Variants in CNTD1 observed in about 807,000 individuals in gnomAD.
CNTD1 encodes the protein cyclin N-terminal domain containing 1.
In CNTD1, 17 loss-of-function variants were observed where a neutral mutation model predicts 36.3. The ratio of observed to expected loss-of-function variants is 0.47; its 90% confidence interval spans 0.32 to 0.70. The LOEUF (loss-of-function observed/expected upper bound fraction) is 0.70. CNTD1 is among the 30% of genes least tolerant of loss of function. CNTD1 has a pLI of 0.03. For missense variants in CNTD1, 338 were observed against 386.1 expected (o/e 0.88, Z 1.04); for synonymous variants, 128 against 153.3 (o/e 0.83, Z 1.22).
intron 1 of CNTD1, among the ~76,000 whole-genome samples, chr17:42,799,752 CAAAAAAAAAAAAAAA>C (rs780393099): frequency 7.6e-4 from 8 of 10,590 alleles, no homozygotes; most frequent in East Asian, 4.2e-3. Context: ...AACTCCGTCT[CAAAAAAAAAAAAAAA>C]AAAAAAAAAA....
intron 6 of CNTD1, among the ~76,000 whole-genome samples, chr17:42,808,412 G>C (rs563508371): frequency 6.6e-6 from 1 of 151,860 alleles, no homozygotes; most frequent in African/African-American, 2.4e-5. Context: ...TTAGCTGGGT[G>C]TGGTGGCACA....
At position 42,804,227 on chromosome 17, in the gene CNTD1, T is replaced by C. The variant is rs769656924; in HGVS notation, c.248T>C (p.Phe83Ser). ...TACTCTCCCTCCCTTCCCTACAGGTTTATGGTAAAACAGGCAGAGAACATC... is the reference window on the plus strand; with the variant it reads ...TACTCTCCCTCCCTTCCCTACAGGTCTATGGTAAAACAGGCAGAGAACATC... Reference protein sequence around the residue: ...SYQAVEILERFMVKQAENICR... With the variant: ...SYQAVEILERSMVKQAENICR... Residue 83 changes from phenylalanine (F) to serine (S), a missense_variant and splice_region_variant, in exon 3 of 7, where the codon TTT becomes TCT. Transcript: ENST00000588408. The C allele has an allele frequency of 6.2e-7, 1 of 1,613,338 alleles. No homozygotes were observed. The highest frequency in any genetic ancestry group is 8.5e-7 in the Non-Finnish European group (1 of 1,179,552).
intron 4 of CNTD1, among the ~76,000 whole-genome samples, 199 bp from the exon 5 acceptor site, chr17:42,806,475 G>T (rs900878800): frequency 8.5e-5 from 13 of 152,204 alleles, no homozygotes; most frequent in African/African-American, 2.7e-4. Flanking sequence ...CATGCTAATT[G>T]TATGTATACT....
intron 6 of CNTD1, among the ~76,000 whole-genome samples, chr17:42,808,212 C>T (rs2054912383): frequency 6.6e-6 from 1 of 152,036 alleles, no homozygotes; most frequent in Admixed American, 6.6e-5. Context: ...GAGTTCAAGA[C>T]CAGCCTGGTC....
Position 42,809,681 on chromosome 17 carries a change from T to G in CNTD1, c.*146T>G. 1.4e-6 allele frequency: 1 copy of G among 722,124 alleles called. No homozygotes were observed. The highest frequency in any genetic ancestry group is 2.2e-6 in the Non-Finnish European group (1 of 451,962). The allele number at this position is 722,124 out of a possible 1,614,324, so 44.7% of individuals were successfully genotyped here. ...CAATTTCATGCTTATTTTTCCTTTA[T>G]CAGAGAGAGTTAAGGTGGACGAGCA... On this transcript the variant is annotated 3_prime_UTR_variant, in exon 7 of 7. Coordinates refer to ENST00000588408, the MANE Select transcript of CNTD1 (RefSeq NM_173478.3).
chr17:42,804,515 G>C, intron 3 of CNTD1, 119 bp downstream of exon 3: 4 of 874,112 alleles, frequency 4.6e-6, no homozygotes, highest in Non-Finnish European at 5.1e-6. Flanking sequence ...AAATTACAAA[G>C]TAAAAACAAC....
chr17:42,805,947 A>T, intron 4 of CNTD1, 63 bp downstream of exon 4: 5 of 1,455,304 alleles, frequency 3.4e-6, no homozygotes, highest in South Asian at 2.6e-5. Flanking sequence ...CAAAATGTGC[A>T]TGGGGGGGCA....
chr17:42,809,288 C>A, intron 6 of CNTD1, 77 bp from the exon 7 acceptor site: 2 of 1,325,614 alleles, frequency 1.5e-6, no homozygotes, highest in East Asian at 2.4e-5. Context: ...AGAGAACATC[C>A]CAAGTAATGT....
intron 2 of CNTD1, among the ~76,000 whole-genome samples, chr17:42,803,983 G>A (rs569435843): frequency 3.1e-4 from 47 of 151,910 alleles, no homozygotes; most frequent in African/African-American, 1.1e-3. Context: ...CTACAAGCAT[G>A]TGCCTCCACA....
rs774693295 is a variant in CNTD1 at position 42,805,878 on chromosome 17, G to A, written c.574G>A (p.Val192Ile). The A allele has an allele frequency of 1.2e-6, 2 of 1,610,454 alleles. No individual in the cohort carries two copies. The highest frequency in any genetic ancestry group is 1.7e-6 in the Non-Finnish European group (2 of 1,178,560). The change falls in exon 4 of 7, where the codon GTT becomes ATT. Residue 192 changes from valine (V) to isoleucine (I), a missense_variant. Physicochemically the swap from Val to Ile is conservative, Grantham distance 29. Coordinates refer to ENST00000588408, the MANE Select transcript of CNTD1 (RefSeq NM_173478.3). Reference sequence around the variant, plus strand: ...GGCATATGTGGAGACGCTCCTAGAGGTTTTAGGTATCTTACTGTGTTAGGG... The same window carrying A: ...GGCATATGTGGAGACGCTCCTAGAGATTTTAGGTATCTTACTGTGTTAGGG... The part of the protein sequence containing the change: ...PLAYVETLLE[V>I]LGYNGCLVPA...
chr17:42,801,965 G>A (rs1338822505), intron 1 of CNTD1, among the ~76,000 whole-genome samples: 2 of 152,102 alleles, frequency 1.3e-5, no homozygotes, highest in African/African-American at 4.8e-5. Context: ...ACTAAAGATT[G>A]CAAAAAGCCA....
rs2054884034 is a variant in CNTD1 at position 42,806,681 on chromosome 17, T to C, written c.588T>C (p.Asn196=). Residue 196 remains asparagine (N), a synonymous_variant, in exon 5 of 7, where the codon AAT becomes AAC. Transcript: ENST00000588408. ...VETLLEVLGY[N]GCLVPAMRLH... ...TTCCCATACTCCATCTAGGATACAA[T>C]GGCTGTTTGGTTCCAGCCATGAGGC... The C allele has an allele frequency of 6.8e-6, 11 of 1,613,924 alleles. No homozygotes were observed. The highest frequency in any genetic ancestry group is 3.3e-5 in the South Asian group (3 of 91,082).
At chr17:42,809,340 A>G (rs766209643) in intron 6 of CNTD1, 25 bp from the exon 7 acceptor site, 1 of 1,586,858 alleles carries the variant, frequency 6.3e-7, no homozygotes, top group Admixed American at 1.7e-5. Context: ...TTTTAGTAAT[A>G]AGAAATCTGT....
At chr17:42,803,825 TATAA>T in intron 2 of CNTD1, 130 bp downstream of exon 2, 2 of 729,130 alleles carry the variant, frequency 2.7e-6, no homozygotes, top group Non-Finnish European at 4.7e-6. Flanking sequence ...AACTTGCAAA[TATAA>T]ATTTCTTTGT....
At chr17:42,801,510 A>AAAATATATATATATAT (rs1289580717) in intron 1 of CNTD1, among the ~76,000 whole-genome samples, 1 of 54,344 alleles carries the variant, frequency 1.8e-5, no homozygotes, top group Non-Finnish European at 3.0e-5. Context: ...AAAAAAAAAA[A>AAAATATATATATATAT]ATATATATAT....
rs1260726126 is a variant in CNTD1, at chr17:42,799,029, C to G, written c.-39C>G. 1 of 1,606,556 alleles carries G rather than the reference C, an allele frequency of 6.2e-7. No individual in the cohort carries two copies. The highest frequency in any genetic ancestry group is 1.3e-5 in the African/African-American group (1 of 74,532). ...GAGCTAAGGGGGTCGGTATGTGGATCCAGTGAACCCGTCCAGGTGCCCCAA... is the reference window on the plus strand; with the variant it reads ...GAGCTAAGGGGGTCGGTATGTGGATGCAGTGAACCCGTCCAGGTGCCCCAA... On this transcript the variant is annotated 5_prime_UTR_variant, in exon 1 of 7. The change creates a new upstream start codon in the 5' untranslated region. Coordinates refer to ENST00000588408, the MANE Select transcript of CNTD1 (RefSeq NM_173478.3).
intron 3 of CNTD1, 59 bp downstream of exon 3, chr17:42,804,455 C>A: frequency 7.1e-7 from 1 of 1,412,310 alleles, no homozygotes; most frequent in Non-Finnish European, 9.8e-7. Context: ...AGCTTTTATA[C>A]AAAGGGGGGC....
In CNTD1 at chr17:42,805,724, A is replaced by T; in HGVS notation, c.420A>T (p.Ile140=). 1 of 1,609,822 alleles carries T rather than the reference A, an allele frequency of 6.2e-7. No homozygotes were observed. The highest frequency in any genetic ancestry group is 8.5e-7 in the Non-Finnish European group (1 of 1,178,290). ...LASKLSFRNK[I]ISNITVLNFL... ...TTCCCTCTCTTTTCTTTGCTCAGAT[A>T]ATCAGCAACATTACAGTCTTGAATT... The change falls in exon 4 of 7, where the codon ATA becomes ATT. Residue 140 remains isoleucine (I), a splice_region_variant and synonymous_variant. Transcript: ENST00000588408.
chr17:42,808,726 CCT>C (rs146529313), intron 6 of CNTD1, among the ~76,000 whole-genome samples: 3,298 of 149,252 alleles, frequency 0.022, 114 homozygotes, highest in African/African-American at 0.077. Flanking sequence ...AGAGTGAAAC[CCT>C]GTCTCAAACA....
Sources: allele counts gnomAD v4.1 joint callset (sites outside exome capture counted in the v4.1 genomes callset), GRCh38; gene constraint gnomAD v4.1.1; transcripts MANE v1.5; gene names NCBI Gene and HGNC (gene_info 2026-07-23, HGNC 2026-07-21).